The following SNX29 variants were observed in gnomAD, a reference collection of about 807,000 sequenced individuals.
SNX29 encodes the protein sorting nexin 29.
Under a neutral mutation model 102.1 loss-of-function variants are expected in SNX29, and 78 were observed. The observed-to-expected ratio is 0.76, with a 90% CI of 0.64 to 0.92. SNX29 has a LOEUF of 0.92. SNX29 is among the 40% of genes least tolerant of loss of function. The pLI, the probability that SNX29 is intolerant of heterozygous loss-of-function variation, is 0.00. For synonymous variants in SNX29, 580 were observed against 414.5 expected (o/e 1.40, Z -4.85); for missense variants, 1,280 against 1,061.7 (o/e 1.21, Z -2.86).
intron 13 of SNX29, among the ~76,000 whole-genome samples, chr16:12,193,672 A>T (rs2076700910): frequency 6.6e-6 from 1 of 152,160 alleles, no homozygotes; most frequent in South Asian, 2.1e-4. Context: ...TAATATTTGT[A>T]TAAGGTGTGA....
intron 14 of SNX29, among the ~76,000 whole-genome samples, chr16:12,223,195 C>A (rs780989966): frequency 6.6e-6 from 1 of 152,170 alleles, no homozygotes; most frequent in Non-Finnish European, 1.5e-5. Context: ...ACATACCCTC[C>A]CTGGGCCTCA....
At chr16:12,441,089 CTTTTTT>C (rs34125065) in intron 18 of SNX29, among the ~76,000 whole-genome samples, 2 of 102,712 alleles carry the variant, frequency 1.9e-5, no homozygotes. Context: ...TACTTCATTC[CTTTTTT>C]TTTTTTTTTT....
chr16:12,365,358 G>GTGTGTGTGTGTGTGTGTGTGTA (rs1485263456), intron 16 of SNX29, among the ~76,000 whole-genome samples: 639 of 150,430 alleles, frequency 4.2e-3, no homozygotes, highest in Non-Finnish European at 7.2e-3. Context: ...GTGTGTGTGT[G>GTGTGTGTGTGTGTGTGTGTGTA]TGTGTGTTTA....
chr16:12,562,998 T>TTCAATGCGCC lies in SNX29; in HGVS notation c.2319-5506_2319-5497dup, dbSNP rs745660141. Among the ~76,000 whole-genome samples the TTCAATGCGCC allele has an allele frequency of 1.8e-4, 27 of 146,922 alleles. No homozygotes were observed. In the South Asian group the frequency reaches 5.0e-3, roughly 27 times the overall value. ...AGGGCTGATGCGTAAGAAAAACTGC[T>TTCAATGCGCC]TCAATGCGCCTTTCAAACCGTGTTT... On this transcript the variant is annotated intron_variant, in intron 20 of 20. Coordinates refer to ENST00000566228, the MANE Select transcript of SNX29 (RefSeq NM_032167.5).
intron 1 of SNX29, among the ~76,000 whole-genome samples, chr16:11,988,749 T>A (rs542319716): frequency 2.0e-5 from 3 of 152,276 alleles, no homozygotes; most frequent in Non-Finnish European, 2.9e-5. Flanking sequence ...GTTTTTTTTT[T>A]ATTTTGTTTT....
rs977740613 is a variant in SNX29, at chr16:12,558,059, C to G, written c.2319-10447C>G. On this transcript the variant is annotated intron_variant, in intron 20 of 20. Transcript: ENST00000566228. ...TAATTGGCCGGGATTACAACAGAGA[C>G]ATGATTGTGCTCTGAACATCCCATG... 3.3e-5 allele frequency among the ~76,000 whole-genome samples: 5 copies of G among 152,212 alleles called. No individual in the cohort carries two copies. The East Asian group carries it at 7.7e-4, about 23-fold the overall frequency.
chr16:12,290,567 G>A (rs922922338), intron 15 of SNX29, among the ~76,000 whole-genome samples: 26 of 152,170 alleles, frequency 1.7e-4, no homozygotes, highest in African/African-American at 6.3e-4. Flanking sequence ...CCTGGTTGAT[G>A]CTTGTATGAT....
rs1475922180 is a variant in SNX29 at position 12,262,089 on chromosome 16, C to T, written c.1679-15844C>T. ...GAGCTCGGGTCTGTGCGCGCGTCCC[C>T]GGCTGAAGTAAGTGTTTGCTCTGAG... On this transcript the variant is annotated intron_variant, in intron 14 of 20. Coordinates refer to ENST00000566228, the MANE Select transcript of SNX29 (RefSeq NM_032167.5). Among the ~76,000 whole-genome samples, 4 of 150,228 alleles carry T rather than the reference C, an allele frequency of 2.7e-5. 1 individual carries two copies. Among genetic ancestry groups the T allele is most frequent in the South Asian group, 2.1e-4 (1 of 4,732 alleles).
At position 12,043,081 on chromosome 16, in the gene SNX29, C is replaced by T. The variant is rs773695625; in HGVS notation, c.428+4C>T. The T allele has an allele frequency of 1.3e-5, 21 of 1,612,792 alleles. No homozygotes were observed. The highest frequency in any genetic ancestry group is 8.0e-5 in the African/African-American group (6 of 74,910). On this transcript the variant is annotated splice_donor_region_variant and intron_variant, in intron 5 of 20. Coordinates refer to ENST00000566228, the MANE Select transcript of SNX29 (RefSeq NM_032167.5). ...TGGCCGACCGCTGCAGGCTGAGGTA[C>T]GTGGCCGGGATGCGAACTGGGATGG... is the stretch of plus-strand genomic sequence containing the variant.
At chr16:12,368,766 G>C (rs1312499522) in intron 16 of SNX29, among the ~76,000 whole-genome samples, 1 of 152,222 alleles carries the variant, frequency 6.6e-6, no homozygotes, top group Admixed American at 6.5e-5. Flanking sequence ...TGCATGGTTT[G>C]AGTTTGCCGC....
chr16:12,125,035 AGGAGAGAAAATTACATGTTCG>A (rs970142447), intron 11 of SNX29, among the ~76,000 whole-genome samples: 6 of 152,126 alleles, frequency 3.9e-5, no homozygotes, highest in Admixed American at 3.3e-4. Flanking sequence ...CTCAGGGGAG[AGGAGAGAAAATTACATGTTCG>A]GGAGCTCCTC....
chr16:12,467,846 G>A (rs2087131813), intron 18 of SNX29, among the ~76,000 whole-genome samples: 3 of 152,098 alleles, frequency 2.0e-5, no homozygotes, highest in Admixed American at 1.3e-4. Flanking sequence ...GTCGTGCTGG[G>A]GTCAGCACTG....
chr16:12,565,714 G>T (rs1377140837), intron 20 of SNX29, among the ~76,000 whole-genome samples: 1 of 152,194 alleles, frequency 6.6e-6, no homozygotes, highest in African/African-American at 2.4e-5. Flanking sequence ...GCTGGGCCGG[G>T]TCTGCCCGGC....
At position 12,540,464 on chromosome 16, in the gene SNX29, A is replaced by G. The variant is rs545150128; in HGVS notation, c.2318+15623A>G. Among the ~76,000 whole-genome samples, 64 of 152,374 alleles carry G rather than the reference A, an allele frequency of 4.2e-4. 1 individual carries two copies. The highest frequency in any genetic ancestry group is 7.2e-4 in the Non-Finnish European group (49 of 68,038). On this transcript the variant is annotated intron_variant, in intron 20 of 20. Transcript: ENST00000566228. ...AGGCCAGAAGTCCGAGATCCGTCTT[A>G]CTAGGCTACAGTCAAGGTGTCGGCA...
chr16:12,535,833 A>G (rs1036514263), intron 20 of SNX29, among the ~76,000 whole-genome samples: 1 of 152,104 alleles, frequency 6.6e-6, no homozygotes, highest in African/African-American at 2.4e-5. Context: ...TTGGCCTCTC[A>G]GTGCTTAGAT....
rs117273450 is a variant in SNX29 at position 12,108,619 on chromosome 16, C to T, written c.1403-18014C>T. The stretch of plus-strand genomic sequence containing the variant: ...GTAGCTCTCTTAATACCTACAACAG[C>T]CCTGTGAGTTGAGTGATCATGTCCC... On this transcript the variant is annotated intron_variant, in intron 11 of 20. Transcript: ENST00000566228. Among the ~76,000 whole-genome samples, 33 of 152,222 alleles carry T rather than the reference C, an allele frequency of 2.2e-4. No homozygotes were observed. The East Asian group carries it at 6.4e-3, about 29-fold the overall frequency.
chr16:12,383,075 T>C (rs550193611), intron 16 of SNX29, among the ~76,000 whole-genome samples: 2 of 152,286 alleles, frequency 1.3e-5, no homozygotes, highest in South Asian at 4.1e-4. Flanking sequence ...AAAAAATTTT[T>C]TAGAAGATAC....
chr16:12,323,675 G>A (rs1381226870), intron 15 of SNX29, among the ~76,000 whole-genome samples: 3 of 152,108 alleles, frequency 2.0e-5, no homozygotes, highest in Non-Finnish European at 4.4e-5. Flanking sequence ...CTTGGTTTCC[G>A]AGTTCCATGC....
intron 19 of SNX29, among the ~76,000 whole-genome samples, chr16:12,492,559 C>G (rs1484248136): frequency 1.3e-5 from 2 of 152,170 alleles, no homozygotes; most frequent in Admixed American, 1.3e-4. Context: ...TCAATTTTGG[C>G]TTTTGTTGCC....
Sources: allele counts gnomAD v4.1 joint callset (sites outside exome capture counted in the v4.1 genomes callset), GRCh38; gene constraint gnomAD v4.1.1; transcripts MANE v1.5; gene names NCBI Gene and HGNC (gene_info 2026-07-23, HGNC 2026-07-21).